SGPP1: variants seen among roughly 807,000 people sequenced by gnomAD.
SGPP1 encodes sphingosine-1-phosphate phosphatase 1.
SGPP1 carries 21 observed loss-of-function variants against 33.0 expected under a neutral mutation model. The observed-to-expected ratio is 0.64, with a 90% confidence interval of 0.45 to 0.92. SGPP1 has a LOEUF of 0.92. SGPP1 is among the 40% of genes least tolerant of loss of function. The pLI, the probability that SGPP1 is intolerant of heterozygous loss-of-function variation, is 0.00. For missense variants in SGPP1, 543 were observed against 589.4 expected, an observed-to-expected ratio of 0.92 and a Z score of 0.81; for synonymous variants, 239 against 241.2, an observed-to-expected ratio of 0.99 and a Z score of 0.08.
At chr14:63,695,563 A>G (rs964730156) in intron 2 of SGPP1, among the ~76,000 whole-genome samples, 2 of 152,222 alleles carry the variant, frequency 1.3e-5, no homozygotes, top group African/African-American at 4.8e-5. Context: ...AAAAGTAAAA[A>G]TTATAGATAA....
chr14:63,700,186 C>T (rs1430170350), intron 1 of SGPP1, among the ~76,000 whole-genome samples: 1 of 152,078 alleles, frequency 6.6e-6, no homozygotes, highest in Non-Finnish European at 1.5e-5. Context: ...TGCAGTGAGC[C>T]AATGCACCTG....
chr14:63,709,346 C>T (rs1885478657), intron 1 of SGPP1, among the ~76,000 whole-genome samples: 1 of 151,298 alleles, frequency 6.6e-6, no homozygotes, highest in Non-Finnish European at 1.5e-5. Context: ...TGCACTCCAG[C>T]CTGGGCAACA....
intron 1 of SGPP1, among the ~76,000 whole-genome samples, chr14:63,719,014 A>ATTTTT (rs1163496718): frequency 5.1e-5 from 1 of 19,434 alleles, no homozygotes; most frequent in Non-Finnish European, 8.1e-5. Flanking sequence ...ATATATATAT[A>ATTTTT]TTTTTTTTTT....
At chr14:63,688,981 A>G (rs182827730) in intron 2 of SGPP1, among the ~76,000 whole-genome samples, 13 of 152,250 alleles carry the variant, frequency 8.5e-5, no homozygotes, top group Admixed American at 1.3e-4. Context: ...TCAGTCTCCC[A>G]AAGTGCTGGG....
intron 2 of SGPP1, among the ~76,000 whole-genome samples, chr14:63,694,999 TG>T (rs1179099717): frequency 1.3e-5 from 2 of 152,314 alleles, no homozygotes; most frequent in East Asian, 3.9e-4. Flanking sequence ...AGTGATTTGC[TG>T]AGACTGAAAT....
In SGPP1 at chr14:63,685,237, C is replaced by T. The variant is rs1321386490; in HGVS notation, c.*868G>A. ...AGTTAAGGGTAATTTACTTTTATGC[C>T]TGTCACCCTGACATACATTTTTTAA... On this transcript the variant is annotated 3_prime_UTR_variant, in exon 3 of 3. Transcript: ENST00000247225. The T allele has an allele frequency of 6.6e-6, 1 of 152,446 alleles. No individual in the cohort carries two copies. The highest frequency in any genetic ancestry group is 1.5e-5 in the Non-Finnish European group (1 of 67,908). 9.4% of individuals were successfully genotyped at this position (152,446 alleles called of 1,614,324 possible). A position where few individuals can be genotyped will look rare whatever the true frequency, so the allele number is the denominator to read the frequency against.
intron 1 of SGPP1, among the ~76,000 whole-genome samples, chr14:63,704,005 TTA>T (rs1290464020): frequency 6.6e-6 from 1 of 151,686 alleles, no homozygotes; most frequent in Non-Finnish European, 1.5e-5. Flanking sequence ...TTTTAATGTT[TTA>T]TAGAGATGGG....
chr14:63,723,578 G>A (rs1885819227), intron 1 of SGPP1, among the ~76,000 whole-genome samples: 3 of 152,088 alleles, frequency 2.0e-5, no homozygotes, highest in East Asian at 3.9e-4. Flanking sequence ...CATTAGCCGG[G>A]GGTGGTGGTG....
chr14:63,701,735 G>C (rs973635482), intron 1 of SGPP1, among the ~76,000 whole-genome samples: 1 of 152,126 alleles, frequency 6.6e-6, no homozygotes, highest in Admixed American at 6.5e-5. Context: ...GCAGGGTTTT[G>C]AGTAAAGCTG....
At chr14:63,688,315 C>CAAAAAAAAAAAAAAAA (rs71120275) in intron 2 of SGPP1, among the ~76,000 whole-genome samples, 6 of 31,432 alleles carry the variant, frequency 1.9e-4, no homozygotes, top group African/African-American at 5.9e-4. Context: ...GACTCTGTCT[C>CAAAAAAAAAAAAAAAA]AAAAAAAAAA....
intron 2 of SGPP1, among the ~76,000 whole-genome samples, chr14:63,690,482 G>C (rs1361245844): frequency 6.6e-6 from 1 of 152,184 alleles, no homozygotes; most frequent in Admixed American, 6.5e-5. Flanking sequence ...TGGAGAAGAA[G>C]ATACAGATAA....
intron 1 of SGPP1, among the ~76,000 whole-genome samples, chr14:63,721,301 G>A (rs1057124862): frequency 2.0e-5 from 3 of 151,924 alleles, no homozygotes; most frequent in Non-Finnish European, 4.4e-5. Flanking sequence ...AAAATTAGCC[G>A]GGTGTGGTGG....
intron 2 of SGPP1, 133 bp downstream of exon 2, chr14:63,698,436 G>T: frequency 2.2e-6 from 1 of 458,318 alleles, no homozygotes; most frequent in Non-Finnish European, 3.9e-6. Context: ...TGATATTTTC[G>T]CAAAACAAAG....
At chr14:63,712,945 T>C (rs1885555264) in intron 1 of SGPP1, among the ~76,000 whole-genome samples, 1 of 149,150 alleles carries the variant, frequency 6.7e-6, no homozygotes. Flanking sequence ...AAAAATGGCA[T>C]TTCACCATGT....
chr14:63,706,023 A>G (rs929899531), intron 1 of SGPP1, among the ~76,000 whole-genome samples: 3 of 152,286 alleles, frequency 2.0e-5, no homozygotes, highest in African/African-American at 7.2e-5. Flanking sequence ...AGGCGGGCAT[A>G]GCCCAAGTGT....
chr14:63,696,794 TG>T (rs1885196239), intron 2 of SGPP1, among the ~76,000 whole-genome samples: 2 of 152,186 alleles, frequency 1.3e-5, no homozygotes, highest in Admixed American at 6.5e-5. Flanking sequence ...GAGACCAGCC[TG>T]GCCAACATGG....
chr14:63,704,630 G>A (rs757036013), intron 1 of SGPP1, among the ~76,000 whole-genome samples: 41 of 152,130 alleles, frequency 2.7e-4, no homozygotes, highest in Admixed American at 1.8e-3. Context: ...CAGAAGGATC[G>A]CTTGAGCCCA....
chr14:63,724,909 T>C (rs1477356137), intron 1 of SGPP1, among the ~76,000 whole-genome samples: 1 of 148,828 alleles, frequency 6.7e-6, no homozygotes, highest in Non-Finnish European at 1.5e-5. Context: ...AGCTGGCACT[T>C]GGGAGGCCAA....
At chr14:63,706,500 A>G (rs1308771628) in intron 1 of SGPP1, among the ~76,000 whole-genome samples, 1 of 152,212 alleles carries the variant, frequency 6.6e-6, no homozygotes, top group African/African-American at 2.4e-5. Flanking sequence ...CTCTACCATT[A>G]TTACCTGCTG....
Sources: gnomAD v4.1 joint callset for allele counts (sites outside exome capture counted in the v4.1 genomes callset) on GRCh38, gnomAD v4.1.1 for gene constraint, MANE v1.5 for transcripts, NCBI Gene and HGNC (gene_info 2026-07-23, HGNC 2026-07-21) for gene names.